USP34: variants seen among roughly 807,000 people sequenced by gnomAD.
USP34 encodes ubiquitin carboxyl-terminal hydrolase 34.
USP34 carries 70 observed loss-of-function variants against 460.3 expected under a neutral mutation model. The observed-to-expected ratio is 0.15, with a 90% confidence interval of 0.13 to 0.19. The LOEUF is 0.19. Ranked by LOEUF, USP34 falls within the 10% of genes least tolerant of loss-of-function variation. The pLI, the probability that USP34 is intolerant of heterozygous loss-of-function variation, is 1.00. For missense variants in USP34, 3,985 were observed against 4,236.2 expected, an observed-to-expected ratio of 0.94 and a Z score of 1.65; for synonymous variants, 1,647 against 1,405.3, an observed-to-expected ratio of 1.17 and a Z score of -3.85.
chr2:61,375,788 A>C (rs1316888741), intron 8 of USP34, among the ~76,000 whole-genome samples: 2 of 148,728 alleles, frequency 1.3e-5, no homozygotes, highest in Non-Finnish European at 3.0e-5. Context: ...AAAAAAAAAA[A>C]AAAAAAGTAG....
intron 1 of USP34, among the ~76,000 whole-genome samples, chr2:61,454,864 T>C (rs1464941367): frequency 1.1e-5 from 1 of 93,968 alleles, no homozygotes; most frequent in African/African-American, 4.2e-5. Context: ...GTGGGGTTTT[T>C]TTTTTCTTTT....
chr2:61,331,152 T>C, intron 20 of USP34, 124 bp downstream of exon 20: 1 of 821,430 alleles, frequency 1.2e-6, no homozygotes, highest in South Asian at 1.9e-5. Flanking sequence ...TTCATAATTT[T>C]ATACAAATAA....
Position 61,280,225 on chromosome 2 carries a change from T to C in USP34, c.5256+19A>G, listed in dbSNP as rs760140355. 10 of 1,358,704 alleles carry C rather than the reference T, an allele frequency of 7.4e-6. No homozygotes were observed. Among genetic ancestry groups the C allele is most frequent in the Middle Eastern group, 1.8e-4 (1 of 5,408 alleles). The allele number at this position is 1,358,704 out of a possible 1,614,324, so 84.2% of individuals were successfully genotyped here. A position where few individuals can be genotyped will look rare whatever the true frequency, so the allele number is the denominator to read the frequency against. On this transcript the variant is annotated intron_variant, in intron 39 of 79. Coordinates refer to ENST00000398571, the MANE Select transcript of USP34 (RefSeq NM_014709.4). Reference sequence around the variant, plus strand: ...CAAGAAGAGAATACATAGAATAGTATATAATTTTCTGAACATACCTGACTA... The same window carrying C: ...CAAGAAGAGAATACATAGAATAGTACATAATTTTCTGAACATACCTGACTA...
intron 27 of USP34, among the ~76,000 whole-genome samples, chr2:61,303,096 T>C (rs1485171004): frequency 6.6e-6 from 1 of 152,034 alleles, no homozygotes; most frequent in Non-Finnish European, 1.5e-5. Context: ...AGACGGAGTG[T>C]CACTCTGTCA....
Position 61,317,777 on chromosome 2 carries a change from G to C in USP34, c.3169-10C>G. ...GTTTTAGCTGGGGCATCTTTGGAAG[G>C]GTAGGGGGAAACACAAAGCTAATTT... On this transcript the variant is annotated splice_polypyrimidine_tract_variant and intron_variant, in intron 22 of 79. Transcript: ENST00000398571. 6.2e-7 allele frequency: 1 copy of C among 1,603,846 alleles called. No individual in the cohort carries two copies. Among genetic ancestry groups the C allele is most frequent in the African/African-American group, 1.3e-5 (1 of 74,698 alleles).
At chr2:61,256,005 T>C (rs771383836) in intron 48 of USP34, among the ~76,000 whole-genome samples, 12 of 152,238 alleles carry the variant, frequency 7.9e-5, no homozygotes, top group Non-Finnish European at 1.3e-4. Flanking sequence ...CAGACATCTA[T>C]TGTGGGGTCT....
intron 27 of USP34, 38 bp downstream of exon 27, chr2:61,311,502 G>GAAAA (rs1690594051): frequency 6.0e-6 from 9 of 1,507,490 alleles, no homozygotes; most frequent in Non-Finnish European, 7.1e-6. Flanking sequence ...GAAAGAAAGA[G>GAAAA]AGAAAGAGAA....
intron 2 of USP34, among the ~76,000 whole-genome samples, chr2:61,416,040 T>C (rs1241754543): frequency 6.6e-6 from 1 of 152,226 alleles, no homozygotes. Context: ...GTGGGTCCAA[T>C]ATCATTTCCC....
chr2:61,201,509 G>A (rs777586), intron 75 of USP34, among the ~76,000 whole-genome samples: 3,367 of 152,136 alleles, frequency 0.022, 45 homozygotes, highest in South Asian at 0.041. Context: ...CACCACGTCC[G>A]GCCCTTATAG....
intron 1 of USP34, among the ~76,000 whole-genome samples, chr2:61,425,619 G>C (rs1055585100): frequency 2.0e-5 from 3 of 152,126 alleles, no homozygotes; most frequent in Non-Finnish European, 4.4e-5. Flanking sequence ...GTTCCCACCA[G>C]CCTCACCATG....
chr2:61,366,708 T>C (rs1002240406), intron 10 of USP34, among the ~76,000 whole-genome samples: 1 of 151,958 alleles, frequency 6.6e-6, no homozygotes, highest in Admixed American at 6.6e-5. Flanking sequence ...TAGAAAAATA[T>C]GTGAAATTCC....
intron 27 of USP34, among the ~76,000 whole-genome samples, chr2:61,308,687 T>C (rs1376867465): frequency 6.6e-6 from 1 of 152,166 alleles, no homozygotes; most frequent in African/African-American, 2.4e-5. Flanking sequence ...ATAAAAGACC[T>C]ATACTCAGGC....
intron 75 of USP34, chr2:61,200,381 A>T (rs1686939822): frequency 6.6e-6 from 1 of 151,518 alleles, no homozygotes; most frequent in Admixed American, 6.6e-5. Context: ...GTTTCCTCCA[A>T]CCCCATCCCC....
intron 1 of USP34, among the ~76,000 whole-genome samples, chr2:61,461,754 A>G (rs189776939): frequency 6.6e-6 from 1 of 152,316 alleles, no homozygotes; most frequent in Admixed American, 6.5e-5. Context: ...CTTTCTGGCA[A>G]GCAAACAGTA....
rs76417681 is a variant in USP34, at chr2:61,231,241, G to C, written c.7113+1211C>G. Among the ~76,000 whole-genome samples, 421 of 151,950 alleles carry C rather than the reference G, an allele frequency of 2.8e-3. 15 individuals are homozygous for C. The East Asian group carries it at 0.07, about 25-fold the overall frequency. On this transcript the variant is annotated intron_variant, in intron 58 of 79. Coordinates refer to ENST00000398571, the MANE Select transcript of USP34 (RefSeq NM_014709.4). ...TAGTAGTTGTCAGGTATTGAGGAGAGAGGACAGGATGAAATAGGAACTGAT... is the reference window on the plus strand; with the variant it reads ...TAGTAGTTGTCAGGTATTGAGGAGACAGGACAGGATGAAATAGGAACTGAT...
At chr2:61,417,667 C>T (rs565437544) in intron 2 of USP34, among the ~76,000 whole-genome samples, 6 of 149,398 alleles carry the variant, frequency 4.0e-5, no homozygotes, top group Non-Finnish European at 5.9e-5. Context: ...TTTTTCCCTA[C>T]AATGACTGTA....
At chr2:61,420,669 G>C in intron 2 of USP34, 77 bp downstream of exon 2, 1 of 1,057,994 alleles carries the variant, frequency 9.5e-7, no homozygotes, top group Non-Finnish European at 1.4e-6. Flanking sequence ...ACCCTAAAAA[G>C]AAAATGTGAC....
intron 49 of USP34, among the ~76,000 whole-genome samples, chr2:61,247,001 G>A (rs1444548509): frequency 1.3e-5 from 2 of 151,870 alleles, no homozygotes; most frequent in African/African-American, 2.4e-5. Flanking sequence ...AAAGGAAAAC[G>A]AACCAATGTA....
At chr2:61,459,215 G>A (rs1314210821) in intron 1 of USP34, among the ~76,000 whole-genome samples, 1 of 152,134 alleles carries the variant, frequency 6.6e-6, no homozygotes, top group Non-Finnish European at 1.5e-5. Context: ...AGATAGCTTG[G>A]TTAGTGAAAA....
Sources: allele counts gnomAD v4.1 joint callset (sites outside exome capture counted in the v4.1 genomes callset), GRCh38; gene constraint gnomAD v4.1.1; transcripts MANE v1.5; gene names NCBI Gene and HGNC (gene_info 2026-07-23, HGNC 2026-07-21).